The following ROBO2 variants were observed in gnomAD, a reference collection of about 807,000 sequenced individuals.
ROBO2 encodes the protein roundabout guidance receptor 2.
A neutral mutation model predicts 160.8 loss-of-function variants in ROBO2; 53 were observed. The ratio of observed to expected loss-of-function variants is 0.33; its 90% CI spans 0.26 to 0.41. The LOEUF (loss-of-function observed/expected upper bound fraction) is 0.41. Among genes scored for constraint, ROBO2 ranks in the 10% least tolerant of loss-of-function variants. ROBO2 has a pLI of 1.00. For missense variants in ROBO2, 1,577 were observed against 1,722.4 expected (o/e 0.92, Z 1.49); for synonymous variants, 664 against 611.7 (o/e 1.09, Z -1.26).
intron 2 of ROBO2, among the ~76,000 whole-genome samples, chr3:77,248,601 A>G (rs1231991244): frequency 6.6e-6 from 1 of 152,122 alleles, no homozygotes; most frequent in African/African-American, 2.4e-5. Flanking sequence ...TGCTCACCCC[A>G]GCTCCTGCGC....
chr3:76,347,460 A>T (rs990734157), intron 2 of ROBO2, among the ~76,000 whole-genome samples: 1 of 152,090 alleles, frequency 6.6e-6, no homozygotes, highest in Non-Finnish European at 1.5e-5. Flanking sequence ...GAAGGTATAT[A>T]TTTAAGTGTT....
chr3:76,949,170 C>A (rs1157711102), intron 2 of ROBO2, among the ~76,000 whole-genome samples: 1 of 151,860 alleles, frequency 6.6e-6, no homozygotes, highest in Non-Finnish European at 1.5e-5. Flanking sequence ...GTAAATGTCA[C>A]ATAATTCCAA....
rs143965427 is a variant in ROBO2, at chr3:76,224,851, G to A, written c.109+287249G>A. Among the ~76,000 whole-genome samples, 133 of 152,090 alleles carry A rather than the reference G, an allele frequency of 8.7e-4. No homozygotes were observed. In the East Asian group the frequency reaches 0.024, roughly 27 times the overall value. On this transcript the variant is annotated intron_variant, in intron 2 of 26. Coordinates refer to the ROBO2 transcript ENST00000487694. ...ATTTTCATTGATTTAGCTTAAACAC[G>A]AGGTCTATAATTAATGCACAATCTC...
At chr3:76,882,531 A>G (rs1169793319) in intron 2 of ROBO2, among the ~76,000 whole-genome samples, 1 of 151,928 alleles carries the variant, frequency 6.6e-6, no homozygotes, top group Non-Finnish European at 1.5e-5. Context: ...TTTTTTTTCA[A>G]GTGAAAACAG....
chr3:76,226,717 C>T (rs1207273839), intron 2 of ROBO2, among the ~76,000 whole-genome samples: 1 of 151,956 alleles, frequency 6.6e-6, no homozygotes, highest in African/African-American at 2.4e-5. Flanking sequence ...TATTTTTATT[C>T]AGTCATTTCC....
chr3:77,142,522 A>G (rs2076787835), intron 2 of ROBO2, among the ~76,000 whole-genome samples: 1 of 152,222 alleles, frequency 6.6e-6, no homozygotes. Context: ...GCTAAAAAGC[A>G]GTTTTGTCAG....
chr3:77,157,198 C>T (rs1214481252), intron 2 of ROBO2, among the ~76,000 whole-genome samples: 3 of 152,044 alleles, frequency 2.0e-5, no homozygotes. Flanking sequence ...TCCTTTGACT[C>T]ACTGATTTTT....
Position 76,092,269 on chromosome 3 carries a change from CAT to C in ROBO2, c.109+154672_109+154673del, listed in dbSNP as rs765754293. ...CAAGTTTATTAATTTAAAAAATACA[CAT>C]ATATTTGAAATTGTTAAAATTTACT... On this transcript the variant is annotated intron_variant, in intron 2 of 26. Coordinates refer to the ROBO2 transcript ENST00000487694. Among the ~76,000 whole-genome samples the C allele has an allele frequency of 1.6e-4, 25 of 152,246 alleles. No individual in the cohort carries two copies. In the East Asian group the frequency reaches 3.5e-3, roughly 21 times the overall value.
chr3:77,527,141 GTGA>G (rs2091243587), intron 6 of ROBO2, among the ~76,000 whole-genome samples: 1 of 151,384 alleles, frequency 6.6e-6, no homozygotes, highest in South Asian at 2.1e-4. Context: ...ACTGCAGTAA[GTGA>G]TGATGATAAG....
intron 2 of ROBO2, among the ~76,000 whole-genome samples, chr3:76,842,646 A>G (rs529090465): frequency 6.6e-6 from 1 of 152,332 alleles, no homozygotes; most frequent in African/African-American, 2.4e-5. Context: ...TCTTCTATAA[A>G]TGCGAGAACC....
intron 2 of ROBO2, among the ~76,000 whole-genome samples, chr3:75,958,085 A>G (rs183356701): frequency 3.2e-4 from 49 of 151,906 alleles, no homozygotes; most frequent in African/African-American, 1.1e-3. Context: ...AGGGCAACTG[A>G]TATTAGAAAA....
At chr3:77,365,659 G>T (rs962430609) in intron 2 of ROBO2, among the ~76,000 whole-genome samples, 1 of 152,112 alleles carries the variant, frequency 6.6e-6, no homozygotes, top group African/African-American at 2.4e-5. Context: ...GGTGTAGAAA[G>T]GTATTTCAGA....
At chr3:77,349,180 T>A (rs911517577) in intron 2 of ROBO2, among the ~76,000 whole-genome samples, 1 of 152,176 alleles carries the variant, frequency 6.6e-6, no homozygotes, top group Admixed American at 6.6e-5. Context: ...AAAAAAAGAA[T>A]AAAACATGAA....
chr3:77,448,530 G>T (rs148661730), intron 2 of ROBO2, among the ~76,000 whole-genome samples: 1 of 152,250 alleles, frequency 6.6e-6, no homozygotes, highest in Non-Finnish European at 1.5e-5. Context: ...AGCTGGCTTT[G>T]TTAAGCCACT....
intron 2 of ROBO2, among the ~76,000 whole-genome samples, chr3:76,009,239 A>C (rs986886747): frequency 2.0e-5 from 3 of 152,140 alleles, no homozygotes; most frequent in African/African-American, 7.2e-5. Context: ...AGTAGCTGAG[A>C]CTACAGGCGC....
intron 2 of ROBO2, among the ~76,000 whole-genome samples, chr3:76,187,439 T>C (rs1340499861): frequency 1.6e-5 from 2 of 126,576 alleles, no homozygotes; most frequent in African/African-American, 5.7e-5. Flanking sequence ...CACACCCAAC[T>C]GATTTTTTAA....
At chr3:77,260,297 A>G (rs1247614625) in intron 2 of ROBO2, among the ~76,000 whole-genome samples, 3 of 152,192 alleles carry the variant, frequency 2.0e-5, no homozygotes, top group African/African-American at 7.2e-5. Context: ...GATATACATT[A>G]TTATAGCCCT....
At chr3:76,849,438 T>A (rs559238029) in intron 2 of ROBO2, among the ~76,000 whole-genome samples, 25 of 152,312 alleles carry the variant, frequency 1.6e-4, no homozygotes, top group African/African-American at 6.0e-4. Context: ...ACACTATTAA[T>A]TTTGCAGCTA....
intron 2 of ROBO2, among the ~76,000 whole-genome samples, chr3:76,467,156 C>G (rs1411393961): frequency 6.6e-6 from 1 of 151,840 alleles, no homozygotes; most frequent in African/African-American, 2.4e-5. Flanking sequence ...TAAATCCTAC[C>G]AACTCTTTTT....
Sources: gnomAD v4.1 joint callset for allele counts (sites outside exome capture counted in the v4.1 genomes callset) on GRCh38, gnomAD v4.1.1 for gene constraint, MANE v1.5 for transcripts, NCBI Gene and HGNC (gene_info 2026-07-23, HGNC 2026-07-21) for gene names.